Variants in TFEC observed in about 807,000 individuals in gnomAD.
TFEC encodes transcription factor EC, also known as class E basic helix-loop-helix protein 34.
TFEC carries 31 observed loss-of-function variants against 41.6 expected under a neutral mutation model. The observed-to-expected ratio is 0.74, with a 90% CI of 0.56 to 1.01. The LOEUF (loss-of-function observed/expected upper bound fraction) is 1.01. TFEC is among the 50% of genes least tolerant of loss of function. The probability of loss-of-function intolerance (pLI) is 0.00; values close to 1 mark genes in which losing one functional copy is unlikely to be tolerated. For synonymous variants in TFEC, 143 were observed against 140.6 expected, an observed-to-expected ratio of 1.02 and a Z score of -0.12; for missense variants, 402 against 404.1, an observed-to-expected ratio of 0.99 and a Z score of 0.04.
intron 2 of TFEC, among the ~76,000 whole-genome samples, chr7:115,974,873 T>C (rs1337330173): frequency 6.6e-6 from 1 of 151,980 alleles, no homozygotes; most frequent in African/African-American, 2.4e-5. Context: ...ACATTTTAAA[T>C]AGTAACAATA....
chr7:116,117,517 G>A (rs1474141497), intron 1 of TFEC: 1 of 151,676 alleles, frequency 6.6e-6, no homozygotes, highest in African/African-American at 2.4e-5. Flanking sequence ...TTATTTCAAT[G>A]ACCGTGTCAA....
At chr7:116,140,541 A>G (rs1450659704) in intron 1 of TFEC, among the ~76,000 whole-genome samples, 1 of 152,200 alleles carries the variant, frequency 6.6e-6, no homozygotes, top group Non-Finnish European at 1.5e-5. Flanking sequence ...AAAGTATTAC[A>G]TCATTAAAAC....
At chr7:116,133,920 G>T (rs1798383888) in intron 1 of TFEC, among the ~76,000 whole-genome samples, 1 of 152,088 alleles carries the variant, frequency 6.6e-6, no homozygotes. Context: ...CAGTAATAAT[G>T]CAAAACAATA....
chr7:116,106,845 G>C (rs1052333608), intron 3 of TFEC, among the ~76,000 whole-genome samples: 5 of 152,158 alleles, frequency 3.3e-5, no homozygotes, highest in African/African-American at 1.2e-4. Context: ...AATGCACCCA[G>C]GGTGTCTGTT....
At chr7:116,075,002 T>C (rs1482618812) in intron 3 of TFEC, among the ~76,000 whole-genome samples, 1 of 152,132 alleles carries the variant, frequency 6.6e-6, no homozygotes, top group Admixed American at 6.6e-5. Flanking sequence ...ACGTTATGCT[T>C]ATTCAAAGAC....
intron 3 of TFEC, among the ~76,000 whole-genome samples, chr7:116,048,337 C>A (rs548674391): frequency 6.6e-6 from 1 of 152,202 alleles, no homozygotes; most frequent in Non-Finnish European, 1.5e-5. Flanking sequence ...GTTGCACACA[C>A]AAGCTTCAGT....
intron 3 of TFEC, among the ~76,000 whole-genome samples, chr7:115,971,637 C>A (rs147944839): frequency 1.3e-5 from 2 of 151,940 alleles, no homozygotes; most frequent in African/African-American, 2.4e-5. Flanking sequence ...AATTGCAGCA[C>A]AAGCCCATTC....
At chr7:116,072,488 T>C (rs925181143) in intron 3 of TFEC, among the ~76,000 whole-genome samples, 5 of 151,700 alleles carry the variant, frequency 3.3e-5, no homozygotes, top group African/African-American at 1.2e-4. Flanking sequence ...GGAGTTATTC[T>C]AATGAAAGCA....
intron 1 of TFEC, among the ~76,000 whole-genome samples, chr7:116,123,360 T>C (rs759051153): frequency 6.6e-6 from 1 of 152,150 alleles, no homozygotes; most frequent in Admixed American, 6.6e-5. Flanking sequence ...TTTATGATTC[T>C]AGTTTGTCTT....
chr7:116,055,082 T>C (rs946352650), intron 3 of TFEC, among the ~76,000 whole-genome samples: 1 of 152,136 alleles, frequency 6.6e-6, no homozygotes, highest in African/African-American at 2.4e-5. Flanking sequence ...AGGATGCCAG[T>C]GGGCAAGCTC....
At chr7:115,994,232 A>G (rs1242933608) in intron 1 of TFEC, among the ~76,000 whole-genome samples, 2 of 152,212 alleles carry the variant, frequency 1.3e-5, no homozygotes, top group Non-Finnish European at 2.9e-5. Context: ...CTTAAATGTT[A>G]GACCTAAAAC....
intron 3 of TFEC, among the ~76,000 whole-genome samples, chr7:115,959,355 G>A (rs1792408876): frequency 6.6e-6 from 1 of 151,750 alleles, no homozygotes; most frequent in African/African-American, 2.4e-5. Context: ...GCTTTGAGGT[G>A]AGGAGTGAAT....
At chr7:116,124,630 T>A (rs973982039) in intron 1 of TFEC, among the ~76,000 whole-genome samples, 1 of 152,182 alleles carries the variant, frequency 6.6e-6, no homozygotes, top group Non-Finnish European at 1.5e-5. Flanking sequence ...ATTCTATTTC[T>A]AGTGCAACTG....
intron 1 of TFEC, among the ~76,000 whole-genome samples, chr7:116,011,487 TGTA>T (rs1794999121): frequency 6.6e-6 from 1 of 152,176 alleles, no homozygotes; most frequent in African/African-American, 2.4e-5. Flanking sequence ...TCAAATTGAT[TGTA>T]TGCTATCTAT....
At chr7:116,042,932 T>C (rs760084239) in intron 3 of TFEC, among the ~76,000 whole-genome samples, 1 of 152,192 alleles carries the variant, frequency 6.6e-6, no homozygotes, top group African/African-American at 2.4e-5. Context: ...TTGAGAGAGA[T>C]GACAATAATA....
intron 1 of TFEC, among the ~76,000 whole-genome samples, chr7:116,023,032 C>T (rs935562987): frequency 9.3e-5 from 14 of 150,872 alleles, no homozygotes; most frequent in East Asian, 1.9e-4. Flanking sequence ...ATTAAGAGCC[C>T]GTAATATAAC....
chr7:115,949,532 C>A (rs1791811105), intron 6 of TFEC, among the ~76,000 whole-genome samples: 1 of 152,086 alleles, frequency 6.6e-6, no homozygotes, highest in South Asian at 2.1e-4. Context: ...ACAGAGCCCT[C>A]AGAAATAATA....
chr7:116,156,645 C>T (rs1024501077), intron 1 of TFEC, among the ~76,000 whole-genome samples: 2 of 152,136 alleles, frequency 1.3e-5, no homozygotes, highest in Non-Finnish European at 2.9e-5. Context: ...TACTTGATTT[C>T]TCAAGGGCTT....
intron 1 of TFEC, among the ~76,000 whole-genome samples, chr7:115,996,280 A>G (rs1181552345): frequency 6.6e-6 from 1 of 152,128 alleles, no homozygotes; most frequent in Non-Finnish European, 1.5e-5. Flanking sequence ...CAGAGTCTCG[A>G]GGCCCTCATT....
Sources: allele counts gnomAD v4.1 joint callset (sites outside exome capture counted in the v4.1 genomes callset), GRCh38; gene constraint gnomAD v4.1.1; transcripts MANE v1.5; gene names NCBI Gene and HGNC (gene_info 2026-07-23, HGNC 2026-07-21).